HBP1: variants seen among roughly 807,000 people sequenced by gnomAD.
HBP1 encodes the protein HMG-box transcription factor 1, also known as HMG box-containing protein 1.
Under a neutral mutation model 62.6 loss-of-function variants are expected in HBP1, and 20 were observed. The observed-to-expected ratio is 0.32, with a 90% CI of 0.22 to 0.46. HBP1 has a LOEUF of 0.46. Among genes scored for constraint, HBP1 ranks in the 20% least tolerant of loss-of-function variants. The pLI is 1.00. For synonymous variants in HBP1, 232 were observed against 206.2 expected (o/e 1.12, Z -1.07); for missense variants, 480 against 611.8 (o/e 0.78, Z 2.27).
rs760534490 is a variant in HBP1, at chr7:107,195,818, T to G, written c.1068-16T>G. On this transcript the variant is annotated splice_polypyrimidine_tract_variant and intron_variant, in intron 8 of 10. Transcript: ENST00000222574. ...AAAATTGAATTAAAATATTATTATTTTTTTTAATTTTATAGCTATGACTTC... is the reference window on the plus strand; with the variant it reads ...AAAATTGAATTAAAATATTATTATTGTTTTTAATTTTATAGCTATGACTTC... 5.0e-6 allele frequency: 6 copies of G among 1,205,374 alleles called. No homozygotes were observed. The African/African-American group carries it at 7.7e-5, about 15-fold the overall frequency. The allele number at this position is 1,205,374 out of a possible 1,614,324, so 74.7% of individuals were successfully genotyped here.
intron 8 of HBP1, 84 bp from the exon 9 acceptor site, chr7:107,195,748 TTC>T (rs1797868535): frequency 1.5e-6 from 1 of 689,362 alleles, no homozygotes; most frequent in Non-Finnish European, 2.1e-6. Flanking sequence ...ATCAGATGTT[TTC>T]TTTTTTTTTT....
intron 8 of HBP1, among the ~76,000 whole-genome samples, chr7:107,194,383 G>A (rs1430488967): frequency 6.6e-6 from 1 of 152,198 alleles, no homozygotes; most frequent in African/African-American, 2.4e-5. Flanking sequence ...TCTAAATTAT[G>A]TATGGGAGGG....
At chr7:107,169,616 G>A in intron 1 of HBP1, 1 of 384,120 alleles carries the variant, frequency 2.6e-6, no homozygotes, top group Non-Finnish European at 3.6e-6. Flanking sequence ...GCTGGCCGGA[G>A]GTGGGGGACC....
At chr7:107,181,463 C>T (rs1349440251) in intron 2 of HBP1, among the ~76,000 whole-genome samples, 1 of 151,694 alleles carries the variant, frequency 6.6e-6, no homozygotes, top group Non-Finnish European at 1.5e-5. Flanking sequence ...CAGAGTAAGA[C>T]CCTATCTCAA....
intron 1 of HBP1, among the ~76,000 whole-genome samples, chr7:107,176,300 A>T (rs1796848758): frequency 6.6e-6 from 1 of 152,168 alleles, no homozygotes; most frequent in South Asian, 2.1e-4. Flanking sequence ...CTGGGATTAC[A>T]GGCGTGAACC....
At chr7:107,175,865 C>T (rs1006250742) in intron 1 of HBP1, among the ~76,000 whole-genome samples, 4 of 151,326 alleles carry the variant, frequency 2.6e-5, no homozygotes, top group Admixed American at 6.6e-5. Context: ...TACAGGCGCC[C>T]GCCACCATGC....
chr7:107,200,075 C>T, intron 9 of HBP1, 85 bp from the exon 10 acceptor site: 2 of 1,105,720 alleles, frequency 1.8e-6, no homozygotes, highest in Non-Finnish European at 2.5e-6. Context: ...TTTAACTTCA[C>T]ATTTTTCTCC....
At position 107,185,665 on chromosome 7, in the gene HBP1, G is replaced by C. The variant is rs937885840; in HGVS notation, c.399-136G>C. ...GAATATAATTATAAAATGAAATCTT[G>C]CTGTCTTTACTAGTGTTTACCATAA... On this transcript the variant is annotated intron_variant, in intron 3 of 10. Transcript: ENST00000222574. 1.0e-5 allele frequency: 6 copies of C among 573,686 alleles called. No individual in the cohort carries two copies. In the African/African-American group the frequency reaches 1.1e-4, roughly 11 times the overall value. The allele number at this position is 573,686 out of a possible 1,614,324, so 35.5% of individuals were successfully genotyped here. A position where few individuals can be genotyped will look rare whatever the true frequency, so the allele number is the denominator to read the frequency against.
At chr7:107,200,959 C>T (rs778907726) in intron 10 of HBP1, 1 of 153,858 alleles carries the variant, frequency 6.5e-6, no homozygotes, top group Admixed American at 6.5e-5. Flanking sequence ...TTTGAAGTAT[C>T]ATTGAAAGAT....
chr7:107,200,573 A>C (rs1184335980), intron 10 of HBP1: 3 of 280,148 alleles, frequency 1.1e-5, no homozygotes, highest in African/African-American at 2.2e-5. Flanking sequence ...TAATTTTGGA[A>C]TGCAGTGTTT....
At chr7:107,200,333 C>G in intron 10 of HBP1, 32 bp downstream of exon 10, 1 of 1,590,780 alleles carries the variant, frequency 6.3e-7, no homozygotes, top group Non-Finnish European at 8.6e-7. Context: ...TTAAAATTAT[C>G]TTGCCTTATC....
chr7:107,181,838 C>G (rs539899810), intron 2 of HBP1, among the ~76,000 whole-genome samples: 1 of 151,556 alleles, frequency 6.6e-6, no homozygotes, highest in African/African-American at 2.4e-5. Context: ...GGTAATAGTT[C>G]CAGTCATCTT....
At chr7:107,172,053 A>G (rs1796626110) in intron 1 of HBP1, among the ~76,000 whole-genome samples, 1 of 152,088 alleles carries the variant, frequency 6.6e-6, no homozygotes, top group Non-Finnish European at 1.5e-5. Flanking sequence ...TGATATCAGT[A>G]ACATTCACAT....
intron 7 of HBP1, 51 bp downstream of exon 7, chr7:107,189,499 A>T (rs182763715): frequency 7.2e-7 from 1 of 1,384,362 alleles, no homozygotes; most frequent in Admixed American, 2.0e-5. Context: ...AAGCTTCTTA[A>T]ATCTGTAATT....
At chr7:107,169,438 A>G (rs1450409229) in intron 1 of HBP1, among the ~76,000 whole-genome samples, 1 of 62,776 alleles carries the variant, frequency 1.6e-5, no homozygotes, top group African/African-American at 7.0e-5. Flanking sequence ...AGGCAGGGGG[A>G]GGGCGAAGTT....
rs781036742 is a variant in HBP1, at chr7:107,201,678, T to TATCA, written c.*248_*251dup. On this transcript the variant is annotated 3_prime_UTR_variant, in exon 11 of 11. Transcript: ENST00000222574. ...TTTTCTTCCAAACTTCATATATGTC[T>TATCA]ATCAGGTAATAATAGGCTTGAAAAT... 15 of 383,342 alleles carry TATCA rather than the reference T, an allele frequency of 3.9e-5. No homozygotes were observed. Among genetic ancestry groups the TATCA allele is most frequent in the Admixed American group, 2.2e-4 (5 of 22,826 alleles). The allele number at this position is 383,342 out of a possible 1,614,324, so 23.7% of individuals were successfully genotyped here. A position where few individuals can be genotyped will look rare whatever the true frequency, so the allele number is the denominator to read the frequency against.
intron 1 of HBP1, among the ~76,000 whole-genome samples, chr7:107,170,606 T>G (rs554954591): frequency 6.6e-6 from 1 of 152,316 alleles, no homozygotes; most frequent in Middle Eastern, 3.4e-3. Context: ...TGTTATACTT[T>G]TGAGGAGCCG....
At chr7:107,196,354 C>T (rs569874207) in intron 9 of HBP1, 11 of 579,924 alleles carry the variant, frequency 1.9e-5, no homozygotes, top group African/African-American at 9.2e-5. Context: ...CTGCAACCTC[C>T]GCCTTCCAGG....
chr7:107,202,496 C>T lies in HBP1; in HGVS notation c.*1065C>T, dbSNP rs1271644076. On this transcript the variant is annotated 3_prime_UTR_variant, in exon 11 of 11. Transcript: ENST00000222574. ...CACACTATATTCTTGTATATTATTT[C>T]AAATAAATGGAAAAAAAAGTTGCTT... The T allele has an allele frequency of 6.6e-6, 1 of 152,294 alleles. No homozygotes were observed. The highest frequency in any genetic ancestry group is 6.6e-5 in the Admixed American group (1 of 15,248). The allele number at this position is 152,294 out of a possible 1,614,324, so 9.4% of individuals were successfully genotyped here.
Sources: allele counts gnomAD v4.1 joint callset (sites outside exome capture counted in the v4.1 genomes callset), GRCh38; gene constraint gnomAD v4.1.1; transcripts MANE v1.5; gene names NCBI Gene and HGNC (gene_info 2026-07-23, HGNC 2026-07-21).